RALYL: variants seen among roughly 807,000 people sequenced by gnomAD.
RALYL encodes the protein RNA-binding Raly-like protein.
Under a neutral mutation model 35.1 loss-of-function variants are expected in RALYL, and 29 were observed. The ratio of observed to expected loss-of-function variants is 0.83; its 90% CI spans 0.61 to 1.13. RALYL has a LOEUF of 1.13. Among genes scored for constraint, RALYL ranks in the 50% most tolerant of loss-of-function variants. RALYL has a pLI of 0.00. For missense variants in RALYL, 359 were observed against 360.4 expected, an observed-to-expected ratio of 1.00 and a Z score of 0.03; for synonymous variants, 120 against 127.6, an observed-to-expected ratio of 0.94 and a Z score of 0.40.
At chr8:84,262,799 A>G (rs1832562485) in intron 1 of RALYL, among the ~76,000 whole-genome samples, 1 of 152,192 alleles carries the variant, frequency 6.6e-6, no homozygotes. Context: ...AGTGAAGAAT[A>G]GTAGAATACA....
chr8:84,226,970 T>C (rs1824040030), intron 1 of RALYL, among the ~76,000 whole-genome samples: 1 of 151,918 alleles, frequency 6.6e-6, no homozygotes, highest in South Asian at 2.1e-4. Context: ...ATAGGTTAGG[T>C]ATTGTTTCAT....
chr8:84,917,810 G>T (rs2059678), intron 8 of RALYL, among the ~76,000 whole-genome samples: 45,676 of 151,708 alleles, frequency 0.3, 7,380 homozygotes, highest in East Asian at 0.6. Context: ...AACGTAATTT[G>T]GTTCCTAAGA....
intron 2 of RALYL, among the ~76,000 whole-genome samples, chr8:84,613,567 C>T (rs1041987925): frequency 6.6e-6 from 1 of 151,436 alleles, no homozygotes; most frequent in African/African-American, 2.4e-5. Flanking sequence ...AAAATTTAGA[C>T]ACACAATGGT....
intron 1 of RALYL, among the ~76,000 whole-genome samples, chr8:84,326,735 G>A (rs1425779838): frequency 6.6e-6 from 1 of 152,056 alleles, no homozygotes. Flanking sequence ...ATATGTGACA[G>A]ATATCAAAAT....
chr8:84,555,103 A>AC (rs1258021989), intron 2 of RALYL, among the ~76,000 whole-genome samples: 1 of 151,920 alleles, frequency 6.6e-6, no homozygotes, highest in Admixed American at 6.6e-5. Context: ...ACATGGTGAA[A>AC]CCCCACCTCT....
intron 1 of RALYL, among the ~76,000 whole-genome samples, chr8:84,469,240 T>C (rs1186899758): frequency 6.6e-6 from 1 of 152,102 alleles, no homozygotes; most frequent in South Asian, 2.1e-4. Context: ...AGTTTCCAGT[T>C]TTTCTGTTCT....
chr8:84,759,653 T>A (rs1275035795), intron 2 of RALYL, among the ~76,000 whole-genome samples: 1 of 152,182 alleles, frequency 6.6e-6, no homozygotes, highest in African/African-American at 2.4e-5. Flanking sequence ...TGCCATGTGG[T>A]CTTATGCAGG....
chr8:84,261,734 A>G (rs1451044887), intron 1 of RALYL, among the ~76,000 whole-genome samples: 1 of 151,946 alleles, frequency 6.6e-6, no homozygotes, highest in Non-Finnish European at 1.5e-5. Context: ...TTTTACCTTG[A>G]TTTATTCATT....
chr8:84,560,903 A>G (rs1424453607), intron 2 of RALYL, among the ~76,000 whole-genome samples: 1 of 151,938 alleles, frequency 6.6e-6, no homozygotes, highest in Non-Finnish European at 1.5e-5. Context: ...GGTTCTCTGT[A>G]ATTATCAAAT....
chr8:84,699,627 A>G (rs1464927337), intron 2 of RALYL, among the ~76,000 whole-genome samples: 2 of 152,090 alleles, frequency 1.3e-5, no homozygotes, highest in Non-Finnish European at 2.9e-5. Context: ...TTACCTCCCA[A>G]AGGCCCCACC....
chr8:84,679,552 T>C, intron 2 of RALYL: 1 of 403,848 alleles, frequency 2.5e-6, no homozygotes, highest in Non-Finnish European at 4.9e-6. Flanking sequence ...GAATGATTCA[T>C]GAGCTCTTCC....
chr8:84,587,367 C>T (rs1564192340), intron 2 of RALYL, among the ~76,000 whole-genome samples: 1 of 152,098 alleles, frequency 6.6e-6, no homozygotes, highest in Non-Finnish European at 1.5e-5. Flanking sequence ...TTTCACATTG[C>T]TTTATCTTAT....
intron 2 of RALYL, among the ~76,000 whole-genome samples, chr8:84,543,860 T>C (rs1195480362): frequency 6.6e-6 from 1 of 152,260 alleles, no homozygotes; most frequent in East Asian, 1.9e-4. Flanking sequence ...TCCAATATTC[T>C]GGGTGCTAAG....
At chr8:84,901,135 A>C (rs2135558864) in intron 8 of RALYL, among the ~76,000 whole-genome samples, 1 of 152,318 alleles carries the variant, frequency 6.6e-6, no homozygotes, top group East Asian at 1.9e-4. Context: ...TCCTGGGTTT[A>C]TACAACTGGC....
intron 7 of RALYL, among the ~76,000 whole-genome samples, chr8:84,882,214 C>T (rs1420729278): frequency 6.6e-6 from 1 of 151,914 alleles, no homozygotes; most frequent in African/African-American, 2.4e-5. Context: ...ATCTAATACT[C>T]ATTTCTCTTT....
intron 1 of RALYL, among the ~76,000 whole-genome samples, chr8:84,287,594 G>A (rs1452673498): frequency 6.6e-6 from 1 of 151,712 alleles, no homozygotes; most frequent in Non-Finnish European, 1.5e-5. Flanking sequence ...TCTGGAAGTG[G>A]CAAACAGAAA....
intron 1 of RALYL, among the ~76,000 whole-genome samples, chr8:84,429,388 A>T (rs1310869656): frequency 1.3e-5 from 2 of 152,188 alleles, no homozygotes; most frequent in African/African-American, 4.8e-5. Context: ...TTGTAGCTGT[A>T]GTTTTGATCT....
At chr8:84,412,971 G>C (rs543310855) in intron 1 of RALYL, among the ~76,000 whole-genome samples, 1 of 151,554 alleles carries the variant, frequency 6.6e-6, no homozygotes, top group African/African-American at 2.4e-5. Context: ...TAAAAGGAAA[G>C]GTAAGAGGAG....
intron 2 of RALYL, among the ~76,000 whole-genome samples, chr8:84,765,422 A>G (rs1424688158): frequency 6.6e-6 from 1 of 152,110 alleles, no homozygotes; most frequent in African/African-American, 2.4e-5. Flanking sequence ...TTGCTGGTTC[A>G]ATGCTTGGCA....
Sources: allele counts gnomAD v4.1 joint callset (sites outside exome capture counted in the v4.1 genomes callset), GRCh38; gene constraint gnomAD v4.1.1; transcripts MANE v1.5; gene names NCBI Gene and HGNC (gene_info 2026-07-23, HGNC 2026-07-21).